TP63: variants seen among roughly 807,000 people sequenced by gnomAD.
TP63 encodes the protein tumor protein 63.
Under a neutral mutation model 82.8 loss-of-function variants are expected in TP63, and 17 were observed. The observed-to-expected ratio is 0.21, with a 90% CI of 0.14 to 0.31. TP63 has a LOEUF of 0.31. Ranked by LOEUF, TP63 falls within the 10% of genes least tolerant of loss-of-function variation. The pLI, the probability that TP63 is intolerant of heterozygous loss-of-function variation, is 1.00. For missense variants in TP63, 648 were observed against 895.3 expected (o/e 0.72, Z 3.52); for synonymous variants, 330 against 321.7 (o/e 1.03, Z -0.28).
chr3:189,792,728 G>A (rs1230867346), intron 3 of TP63, among the ~76,000 whole-genome samples: 4 of 151,966 alleles, frequency 2.6e-5, no homozygotes, highest in African/African-American at 9.7e-5. Context: ...TAATACCAAG[G>A]AGAGATGGGA....
intron 3 of TP63, among the ~76,000 whole-genome samples, chr3:189,787,417 C>A (rs1025473365): frequency 2.6e-5 from 4 of 152,088 alleles, no homozygotes; most frequent in African/African-American, 7.2e-5. Context: ...GCACGGAGCT[C>A]CTGTCTCCTA....
intron 4 of TP63, among the ~76,000 whole-genome samples, chr3:189,820,255 A>G (rs539445032): frequency 2.0e-5 from 3 of 152,338 alleles, no homozygotes; most frequent in Non-Finnish European, 4.4e-5. Flanking sequence ...TCAGCCTCAG[A>G]ACCACAAGGA....
chr3:189,665,260 C>T (rs773051704), intron 1 of TP63, among the ~76,000 whole-genome samples: 7 of 152,040 alleles, frequency 4.6e-5, no homozygotes, highest in Non-Finnish European at 8.8e-5. Flanking sequence ...ACTTATGCTA[C>T]GGTTCAGGGA....
At chr3:189,863,856 C>T (rs2108795075) in intron 4 of TP63, among the ~76,000 whole-genome samples, 1 of 152,230 alleles carries the variant, frequency 6.6e-6, no homozygotes, top group Non-Finnish European at 1.5e-5. Context: ...TGTTTAATAT[C>T]ACTCAGTACA....
At chr3:189,607,523 A>G in the TP63 span, among the ~76,000 whole-genome samples, 8 of 152,114 alleles carry the variant, frequency 5.3e-5, no homozygotes, top group Non-Finnish European at 1.2e-4. Context: ...TTTAAAAAAT[A>G]ATTTTTATTA....
At chr3:189,860,932 C>T (rs1243971561) in intron 4 of TP63, among the ~76,000 whole-genome samples, 1 of 152,102 alleles carries the variant, frequency 6.6e-6, no homozygotes, top group South Asian at 2.1e-4. Context: ...GTTTGGGTTT[C>T]TAGTGTACCT....
At chr3:189,750,980 T>C (rs1273717905) in intron 3 of TP63, among the ~76,000 whole-genome samples, 1 of 151,802 alleles carries the variant, frequency 6.6e-6, no homozygotes, top group Non-Finnish European at 1.5e-5. Context: ...ACCCCCACCC[T>C]GCTGACAGGC....
intron 4 of TP63, chr3:189,844,063 C>T (rs1040601009): frequency 3.1e-5 from 7 of 225,306 alleles, no homozygotes; most frequent in Admixed American, 2.2e-4. Flanking sequence ...ATTCACCCCC[C>T]CTACTTTTTA....
At chr3:189,682,536 GAAAAAA>G (rs375284237) in intron 1 of TP63, among the ~76,000 whole-genome samples, 74 of 19,006 alleles carry the variant, frequency 3.9e-3, no homozygotes, top group African/African-American at 6.1e-3. Flanking sequence ...GTCCTAAGGG[GAAAAAA>G]AAAAAAAAAA....
Position 189,842,919 on chromosome 3 carries a change from G to A in TP63, c.580-21313G>A, listed in dbSNP as rs1714340719. ...TGTGAATGATATTACTGGTCAGGTG[G>A]GGTTGACAGAGGTGGCCCTGGCAGG... is the stretch of plus-strand genomic sequence containing the variant. On this transcript the variant is annotated intron_variant, in intron 4 of 13. Coordinates refer to ENST00000264731, the MANE Select transcript of TP63 (RefSeq NM_003722.5). Among the ~76,000 whole-genome samples, 5 of 152,182 alleles carry A rather than the reference G, an allele frequency of 3.3e-5. No individual in the cohort carries two copies. In the South Asian group the frequency reaches 1.0e-3, roughly 32 times the overall value.
At chr3:189,865,085 C>T (rs1717546045) in intron 5 of TP63, among the ~76,000 whole-genome samples, 1 of 152,082 alleles carries the variant, frequency 6.6e-6, no homozygotes, top group Non-Finnish European at 1.5e-5. Flanking sequence ...GCCCAGGCTA[C>T]AGTTTCTTCA....
chr3:189,615,695 C>CT, the TP63 span, among the ~76,000 whole-genome samples: 1 of 152,174 alleles, frequency 6.6e-6, no homozygotes, highest in Non-Finnish European at 1.5e-5. Flanking sequence ...ACAAGATAGC[C>CT]AGGCCATTGG....
chr3:189,761,746 G>A (rs1722588709), intron 3 of TP63, among the ~76,000 whole-genome samples: 1 of 152,100 alleles, frequency 6.6e-6, no homozygotes, highest in South Asian at 2.1e-4. Context: ...TACTGATATA[G>A]ACATATCCGA....
chr3:189,851,876 G>C (rs1398627833), intron 4 of TP63, among the ~76,000 whole-genome samples: 1 of 152,178 alleles, frequency 6.6e-6, no homozygotes, highest in African/African-American at 2.4e-5. Context: ...CTCTCCAGGA[G>C]AGATTTGTCT....
intron 4 of TP63, among the ~76,000 whole-genome samples, chr3:189,848,239 T>TCCTCTCTCTCTCTCTC (rs372147574): frequency 5.2e-5 from 5 of 95,980 alleles, no homozygotes; most frequent in Non-Finnish European, 1.0e-4. Context: ...CTCCTCCTCC[T>TCCTCTCTCTCTCTCTC]TCTCTCTCTC....
chr3:189,881,018 C>G, intron 10 of TP63: 1 of 985,334 alleles, frequency 1.0e-6, no homozygotes, highest in Non-Finnish European at 1.2e-6. Context: ...TAATATTGCC[C>G]TTACGTAGTT....
At chr3:189,617,185 C>T in the TP63 span, among the ~76,000 whole-genome samples, 4 of 152,180 alleles carry the variant, frequency 2.6e-5, no homozygotes, top group Admixed American at 1.3e-4. Context: ...GTATACTAGC[C>T]ATCTATTGTT....
chr3:189,814,024 G>A (rs1727885851), intron 4 of TP63, among the ~76,000 whole-genome samples: 1 of 152,146 alleles, frequency 6.6e-6, no homozygotes, highest in South Asian at 2.1e-4. Context: ...GTTTGAAAGG[G>A]GAACAGCCAG....
chr3:189,633,228 T>C (rs764601468), intron 1 of TP63, among the ~76,000 whole-genome samples: 10 of 152,082 alleles, frequency 6.6e-5, no homozygotes, highest in Non-Finnish European at 1.3e-4. Flanking sequence ...TTTTGGTTTT[T>C]TTTTAACCTT....
Sources: allele counts gnomAD v4.1 joint callset (sites outside exome capture counted in the v4.1 genomes callset), GRCh38; gene constraint gnomAD v4.1.1; transcripts MANE v1.5; gene names NCBI Gene and HGNC (gene_info 2026-07-23, HGNC 2026-07-21).